The following GRID1 variants were observed in gnomAD, a reference collection of about 807,000 sequenced individuals.
GRID1 encodes the protein glutamate ionotropic receptor delta type subunit 1.
In GRID1, 28 loss-of-function variants were observed where a neutral mutation model predicts 98.0. The observed-to-expected ratio is 0.29, with a 90% CI of 0.21 to 0.39. GRID1 has a LOEUF of 0.39. Among genes scored for constraint, GRID1 ranks in the 10% least tolerant of loss-of-function variants. The pLI is 1.00. For synonymous variants in GRID1, 553 were observed against 538.5 expected (o/e 1.03, Z -0.37); for missense variants, 1,111 against 1,340.5 (o/e 0.83, Z 2.67).
At chr10:85,983,112 G>A (rs1842565726) in intron 4 of GRID1, among the ~76,000 whole-genome samples, 2 of 152,202 alleles carry the variant, frequency 1.3e-5, no homozygotes, top group Non-Finnish European at 2.9e-5. Flanking sequence ...CCATGGCCTG[G>A]ACACAGGTCT....
intron 6 of GRID1, among the ~76,000 whole-genome samples, chr10:85,865,005 C>T (rs1843201218): frequency 6.6e-6 from 1 of 152,172 alleles, no homozygotes; most frequent in African/African-American, 2.4e-5. Context: ...GCCCTGATGT[C>T]ACAGGGCAGT....
intron 11 of GRID1, among the ~76,000 whole-genome samples, chr10:85,724,059 T>C (rs979577372): frequency 6.6e-6 from 1 of 152,152 alleles, no homozygotes; most frequent in Non-Finnish European, 1.5e-5. Context: ...CTCATGTGCA[T>C]AGCAATCACT....
At position 85,710,342 on chromosome 10, in the gene GRID1, G is replaced by A. The variant is rs190108783; in HGVS notation, c.1997+12661C>T. ...TCTTGGGTATGGTCAAATGATTTTC[G>A]ATGAGGGTGCCAAGACAATTCAAAG... is the stretch of plus-strand genomic sequence containing the variant. On this transcript the variant is annotated intron_variant, in intron 12 of 15. Transcript: ENST00000327946. Among the ~76,000 whole-genome samples, 26 of 152,240 alleles carry A rather than the reference G, an allele frequency of 1.7e-4. No homozygotes were observed. The East Asian group carries it at 2.7e-3, about 16-fold the overall frequency.
intron 8 of GRID1, among the ~76,000 whole-genome samples, chr10:85,820,139 A>G (rs963642604): frequency 1.0e-5 from 1 of 96,198 alleles, no homozygotes; most frequent in East Asian, 2.6e-4. Flanking sequence ...GAAAGAAAGA[A>G]ACAGAAAGAA....
intron 2 of GRID1, among the ~76,000 whole-genome samples, chr10:86,353,131 A>G (rs1848484840): frequency 6.6e-6 from 1 of 152,198 alleles, no homozygotes; most frequent in African/African-American, 2.4e-5. Context: ...ACCACAGGGA[A>G]CAAAAGCGAC....
chr10:86,350,924 C>G (rs1020681315), intron 2 of GRID1, among the ~76,000 whole-genome samples: 2 of 152,084 alleles, frequency 1.3e-5, no homozygotes, highest in Admixed American at 6.5e-5. Flanking sequence ...TGTCCCTTAA[C>G]CATCTTCTCC....
At chr10:86,159,087 G>A (rs1218258109) in intron 3 of GRID1, among the ~76,000 whole-genome samples, 1 of 151,964 alleles carries the variant, frequency 6.6e-6, no homozygotes, top group Non-Finnish European at 1.5e-5. Context: ...GTAGAGACGG[G>A]GTTTCACCGT....
intron 4 of GRID1, among the ~76,000 whole-genome samples, chr10:86,108,527 A>C (rs921486522): frequency 3.9e-5 from 6 of 152,130 alleles, no homozygotes; most frequent in African/African-American, 1.2e-4. Context: ...GCACACCCAC[A>C]CATGTGCACA....
intron 3 of GRID1, among the ~76,000 whole-genome samples, chr10:86,175,188 C>T (rs1365697507): frequency 6.6e-6 from 1 of 152,128 alleles, no homozygotes; most frequent in Non-Finnish European, 1.5e-5. Flanking sequence ...GATATAGATA[C>T]AGCAATAGCT....
intron 2 of GRID1, among the ~76,000 whole-genome samples, chr10:86,337,745 T>A (rs1482790118): frequency 7.8e-6 from 1 of 128,262 alleles, no homozygotes; most frequent in East Asian, 2.8e-4. Flanking sequence ...TCTTGCTCTA[T>A]CCCCCAGGCT....
Position 86,002,291 on chromosome 10 carries a change from C to T in GRID1, c.727-86052G>A, listed in dbSNP as rs556445383. On this transcript the variant is annotated intron_variant, in intron 4 of 15. Transcript: ENST00000327946. ...AAACAAGAATGCTGGCATTCATTTGCTTAATGTACTAATAGCAACTGATTC... is the reference window on the plus strand; with the variant it reads ...AAACAAGAATGCTGGCATTCATTTGTTTAATGTACTAATAGCAACTGATTC... 3.3e-5 allele frequency among the ~76,000 whole-genome samples: 5 copies of T among 152,342 alleles called. No individual in the cohort carries two copies. In the East Asian group the frequency reaches 9.6e-4, roughly 29 times the overall value.
Position 85,602,416 on chromosome 10 carries a change from A to G in GRID1, c.2887T>C (p.Ser963Pro), listed in dbSNP as rs1042375793. ...GGTGACCTGTGTTTGCACTGCATGG[A>G]GGGCATGGTCGCCGAGCTGCTCAGC... The part of the protein sequence containing the change: ...LPLSSSATMP[S>P]MQCKHRSPNG... The change falls in exon 16 of 16, where the codon TCC (serine) becomes CCC (proline). Residue 963 changes from serine to proline, a missense_variant. By Grantham distance (74) the Ser-to-Pro change is moderately conservative. This residue lies in a region of GRID1 where 762 missense variants were observed against 869.1 expected (regional missense o/e 0.88). Transcript: ENST00000327946. 19 of 1,614,020 alleles carry G rather than the reference A, an allele frequency of 1.2e-5. No individual in the cohort carries two copies. The highest frequency in any genetic ancestry group is 1.6e-5 in the Non-Finnish European group (19 of 1,179,988).
intron 4 of GRID1, among the ~76,000 whole-genome samples, chr10:85,953,498 C>T (rs1041479015): frequency 6.6e-6 from 1 of 152,122 alleles, no homozygotes; most frequent in African/African-American, 2.4e-5. Flanking sequence ...GTCAGCACCC[C>T]TAACTTCAAC....
intron 4 of GRID1, among the ~76,000 whole-genome samples, chr10:86,120,355 C>A (rs1844647581): frequency 6.6e-6 from 1 of 152,198 alleles, no homozygotes; most frequent in Non-Finnish European, 1.5e-5. Context: ...CTACAGAAAG[C>A]CTTATTTTGC....
At position 86,164,778 on chromosome 10, in the gene GRID1, A is replaced by C. The variant is rs571979409; in HGVS notation, c.521-25754T>G. On this transcript the variant is annotated intron_variant, in intron 3 of 15. Coordinates refer to ENST00000327946, the MANE Select transcript of GRID1 (RefSeq NM_017551.3). ...GTTTGGCTTCCTCCAGGACCGATGG[A>C]AGCCATTCCCTCCAATGTAGTCGGC... 3.3e-5 allele frequency among the ~76,000 whole-genome samples: 5 copies of C among 152,254 alleles called. No homozygotes were observed. The South Asian group carries it at 1.0e-3, about 32-fold the overall frequency.
At chr10:86,289,532 G>A (rs953290734) in intron 2 of GRID1, among the ~76,000 whole-genome samples, 5 of 151,152 alleles carry the variant, frequency 3.3e-5, no homozygotes, top group African/African-American at 4.9e-5. Flanking sequence ...CAACTGCCCC[G>A]TGCCACTCTC....
intron 8 of GRID1, among the ~76,000 whole-genome samples, chr10:85,753,550 A>G (rs1275141359): frequency 6.6e-6 from 1 of 152,254 alleles, no homozygotes; most frequent in African/African-American, 2.4e-5. Context: ...TGGTGACTGT[A>G]ACTCCAGCTG....
At chr10:86,247,251 G>GGATA (rs1846745465) in intron 2 of GRID1, among the ~76,000 whole-genome samples, 1 of 85,952 alleles carries the variant, frequency 1.2e-5, no homozygotes, top group Non-Finnish European at 2.4e-5. Context: ...ATGGACAGAT[G>GGATA]GATGGATAGA....
intron 8 of GRID1, among the ~76,000 whole-genome samples, chr10:85,752,399 A>G (rs912581108): frequency 6.6e-6 from 1 of 152,222 alleles, no homozygotes. Context: ...GCTAAGCCTC[A>G]CACCAATATA....
Sources: gnomAD v4.1 joint callset for allele counts (sites outside exome capture counted in the v4.1 genomes callset) on GRCh38, gnomAD v4.1.1 for gene constraint, gnomAD v4.1.1 regional missense constraint, MANE v1.5 for transcripts, NCBI Gene and HGNC (gene_info 2026-07-23, HGNC 2026-07-21) for gene names.